The following ENTREP2 variants were observed in gnomAD, a reference collection of about 807,000 sequenced individuals.
ENTREP2 encodes the protein endosomal transmembrane epsin interactor 2, also known as protein ENTREP2.
chr15:29,323,304 T>C, the ENTREP2 span, among the ~76,000 whole-genome samples: 1 of 152,120 alleles, frequency 6.6e-6, no homozygotes. Flanking sequence ...CAATAGCCAG[T>C]GGTTTAATCA....
At chr15:29,299,062 A>C in the ENTREP2 span, among the ~76,000 whole-genome samples, 1 of 152,260 alleles carries the variant, frequency 6.6e-6, no homozygotes, top group East Asian at 1.9e-4. Context: ...ACACACCATG[A>C]CCACATAAGG....
the ENTREP2 span, chr15:29,126,355 A>G: frequency 3.2e-6 from 5 of 1,539,732 alleles, no homozygotes; most frequent in Non-Finnish European, 3.5e-6. Flanking sequence ...CCATGCCAGG[A>G]TCCTCTGGAG....
chr15:29,471,518 G>C, the ENTREP2 span, among the ~76,000 whole-genome samples: 1 of 152,100 alleles, frequency 6.6e-6, no homozygotes, highest in Non-Finnish European at 1.5e-5. Context: ...GCAGAACAGC[G>C]GCTACAAAGT....
At chr15:29,591,837 GAAGA>G in the ENTREP2 span, among the ~76,000 whole-genome samples, 1 of 11,204 alleles carries the variant, frequency 8.9e-5, no homozygotes, top group Admixed American at 5.4e-4. Flanking sequence ...CAAAAGAGAA[GAAGA>G]AGAAGAAGAA....
the ENTREP2 span, among the ~76,000 whole-genome samples, chr15:29,193,315 C>G: frequency 5.9e-5 from 9 of 152,136 alleles, no homozygotes; most frequent in Non-Finnish European, 1.3e-4. Flanking sequence ...GGGGCAACAT[C>G]TGATCGTCTG....
chr15:29,649,057 T>TACACACAC, the ENTREP2 span, among the ~76,000 whole-genome samples: 3,919 of 144,918 alleles, frequency 0.027, 136 homozygotes, highest in African/African-American at 0.081. Context: ...GGGACACATG[T>TACACACAC]ACACACACAC....
chr15:29,442,594 G>GCA, the ENTREP2 span, among the ~76,000 whole-genome samples: 25 of 152,084 alleles, frequency 1.6e-4, no homozygotes, highest in African/African-American at 6.0e-4. Context: ...CCCCATCAGG[G>GCA]CACACACAGC....
At chr15:29,561,409 C>T in the ENTREP2 span, among the ~76,000 whole-genome samples, 174 of 152,122 alleles carry the variant, frequency 1.1e-3, no homozygotes, top group African/African-American at 4.0e-3. Context: ...AGGAATGGGC[C>T]GGGTGTGGTG....
the ENTREP2 span, among the ~76,000 whole-genome samples, chr15:29,477,435 G>C: frequency 6.6e-5 from 10 of 152,254 alleles, no homozygotes; most frequent in South Asian, 2.1e-3. Context: ...AATAAGGGCT[G>C]AGGAGAGAAA....
At chr15:29,133,046 G>A in the ENTREP2 span, among the ~76,000 whole-genome samples, 2 of 152,118 alleles carry the variant, frequency 1.3e-5, no homozygotes, top group African/African-American at 2.4e-5. Context: ...TCCATCTGCC[G>A]CCCTGCCCGG....
chr15:29,158,744 T>C, the ENTREP2 span, among the ~76,000 whole-genome samples: 1 of 152,178 alleles, frequency 6.6e-6, no homozygotes, highest in Non-Finnish European at 1.5e-5. Flanking sequence ...GGGTCTTTCA[T>C]TGCTGATACT....
At chr15:29,604,509 A>G in the ENTREP2 span, among the ~76,000 whole-genome samples, 1 of 152,316 alleles carries the variant, frequency 6.6e-6, no homozygotes, top group South Asian at 2.1e-4. Context: ...ATATTATACC[A>G]AGTAATTCTC....
chr15:29,585,652 C>T, the ENTREP2 span, among the ~76,000 whole-genome samples: 1 of 151,284 alleles, frequency 6.6e-6, no homozygotes, highest in Non-Finnish European at 1.5e-5. Flanking sequence ...GTCAGGAGAT[C>T]GAGACCATCC....
the ENTREP2 span, among the ~76,000 whole-genome samples, chr15:29,647,347 C>G: frequency 6.6e-6 from 1 of 152,186 alleles, no homozygotes. Context: ...AAGTGTCTCA[C>G]AGAAGTCTAT....
chr15:29,255,828 T>A, the ENTREP2 span, among the ~76,000 whole-genome samples: 1 of 151,852 alleles, frequency 6.6e-6, no homozygotes, highest in South Asian at 2.1e-4. Context: ...GGTGAAACCC[T>A]GTCTCTACTA....
At chr15:29,342,447 G>A in the ENTREP2 span, among the ~76,000 whole-genome samples, 1 of 152,184 alleles carries the variant, frequency 6.6e-6, no homozygotes, top group African/African-American at 2.4e-5. Flanking sequence ...GCCATAGTGC[G>A]ACGAAGTCTC....
At chr15:29,188,912 C>T in the ENTREP2 span, among the ~76,000 whole-genome samples, 5 of 152,200 alleles carry the variant, frequency 3.3e-5, no homozygotes, top group African/African-American at 4.8e-5. Context: ...TCTGCGTCAG[C>T]GAACACATCC....
the ENTREP2 span, among the ~76,000 whole-genome samples, chr15:29,458,694 A>C: frequency 0.62 from 94,022 of 152,102 alleles, 29,208 homozygotes; most frequent in South Asian, 0.66. Context: ...AATCATAGCT[A>C]ATAGTACATT....
the ENTREP2 span, among the ~76,000 whole-genome samples, chr15:29,434,300 TC>T: frequency 6.6e-6 from 1 of 152,246 alleles, no homozygotes; most frequent in African/African-American, 2.4e-5. Flanking sequence ...GGTCTGGTAT[TC>T]ATTAAGCCTT....
Sources: gnomAD v4.1 joint callset for allele counts (sites outside exome capture counted in the v4.1 genomes callset) on GRCh38, gnomAD v4.1.1 for gene constraint, MANE v1.5 for transcripts, NCBI Gene and HGNC (gene_info 2026-07-23, HGNC 2026-07-21) for gene names.